The following RPRD2 variants were observed in gnomAD, a reference collection of about 807,000 sequenced individuals.
RPRD2 encodes regulation of nuclear pre-mRNA domain containing 2, also known as regulation of nuclear pre-mRNA domain-containing protein 2.
A neutral mutation model predicts 104.4 loss-of-function variants in RPRD2; 12 were observed. The ratio of observed to expected loss-of-function variants is 0.11; its 90% CI spans 0.07 to 0.19. The LOEUF is 0.19. Among genes scored for constraint, RPRD2 ranks in the 10% least tolerant of loss-of-function variants. RPRD2 has a pLI of 1.00. For synonymous variants in RPRD2, 714 were observed against 684.9 expected, an observed-to-expected ratio of 1.04 and a Z score of -0.66; for missense variants, 1,543 against 1,790.1, an observed-to-expected ratio of 0.86 and a Z score of 2.49.
intron 2 of RPRD2, 147 bp from the exon 3 acceptor site, chr1:150,440,776 G>A: frequency 1.7e-6 from 1 of 596,448 alleles, no homozygotes; most frequent in South Asian, 2.1e-5. Context: ...GATTTCTTTA[G>A]TCCTGGATAT....
rs1236655934 is a variant in RPRD2 at position 150,411,770 on chromosome 1, G to A, written c.206-5826G>A. Among the ~76,000 whole-genome samples the A allele has an allele frequency of 3.0e-5, 3 of 98,840 alleles. 1 individual carries two copies. The highest frequency in any genetic ancestry group is 3.2e-4 in the East Asian group (1 of 3,146). 64.8% of individuals were successfully genotyped at this position (98,840 alleles called of 152,430 possible). Reference sequence around the variant, plus strand: ...CGCGCCACTGCACTCTAGCCTGGACGACAGAGCTAGACTGTCTCAAAAAAA... The same window carrying A: ...CGCGCCACTGCACTCTAGCCTGGACAACAGAGCTAGACTGTCTCAAAAAAA... On this transcript the variant is annotated intron_variant, in intron 1 of 10. Transcript: ENST00000369068.
At chr1:150,464,484 C>A in intron 9 of RPRD2, 43 bp from the exon 10 acceptor site, 1 of 1,486,604 alleles carries the variant, frequency 6.7e-7, no homozygotes. Flanking sequence ...AAATTGAAGT[C>A]ATTTTGAATT....
At chr1:150,367,827 A>G (rs1434187556) in intron 1 of RPRD2, among the ~76,000 whole-genome samples, 2 of 151,870 alleles carry the variant, frequency 1.3e-5, no homozygotes, top group Non-Finnish European at 2.9e-5. Context: ...GGTTCAAGCA[A>G]TTCTCCTGCC....
intron 1 of RPRD2, among the ~76,000 whole-genome samples, chr1:150,400,973 G>A (rs954392705): frequency 8.6e-5 from 13 of 151,570 alleles, no homozygotes; most frequent in South Asian, 6.2e-4. Flanking sequence ...TCAGGAGATC[G>A]AGACCATCCT....
intron 1 of RPRD2, among the ~76,000 whole-genome samples, chr1:150,405,565 C>A (rs1342805463): frequency 6.6e-6 from 1 of 152,068 alleles, no homozygotes; most frequent in Non-Finnish European, 1.5e-5. Context: ...GAGAGTCAAA[C>A]TTCCTGGTTT....
intron 7 of RPRD2, among the ~76,000 whole-genome samples, chr1:150,456,056 CT>C (rs1667504055): frequency 6.6e-6 from 1 of 152,108 alleles, no homozygotes; most frequent in African/African-American, 2.4e-5. Context: ...TCTTGAACTC[CT>C]GGCTTCAAGT....
chr1:150,456,847 C>T (rs11205381), intron 7 of RPRD2, among the ~76,000 whole-genome samples: 33,365 of 151,296 alleles, frequency 0.22, 4,177 homozygotes, highest in African/African-American at 0.32. Context: ...ATCACTTGAA[C>T]CCAGGAGGCA....
chr1:150,412,597 T>C (rs1553887878), intron 1 of RPRD2, among the ~76,000 whole-genome samples: 1 of 151,988 alleles, frequency 6.6e-6, no homozygotes, highest in Non-Finnish European at 1.5e-5. Flanking sequence ...AGATGGAACT[T>C]TGAATTTGAG....
chr1:150,466,137 G>C (rs587743769), intron 10 of RPRD2, among the ~76,000 whole-genome samples: 295 of 152,140 alleles, frequency 1.9e-3, no homozygotes, highest in Non-Finnish European at 3.2e-3. Flanking sequence ...CCAGCACTTT[G>C]GGAGGCTGAG....
At chr1:150,456,639 AAGC>A (rs1560217627) in intron 7 of RPRD2, among the ~76,000 whole-genome samples, 1 of 151,694 alleles carries the variant, frequency 6.6e-6, no homozygotes, top group South Asian at 2.1e-4. Flanking sequence ...AAAAAAAAAA[AAGC>A]AGCCGAGCAC....
chr1:150,369,603 C>G (rs1439979071), intron 1 of RPRD2, among the ~76,000 whole-genome samples: 16 of 146,952 alleles, frequency 1.1e-4, no homozygotes, highest in African/African-American at 4.0e-4. Context: ...ACTACAGGCG[C>G]CCGTCACCGC....
At position 150,474,897 on chromosome 1, in the gene RPRD2, TG is replaced by T. The variant is rs1668812210; in HGVS notation, c.*1564del. The T allele has an allele frequency of 6.6e-6, 1 of 152,152 alleles. No individual in the cohort carries two copies. Among genetic ancestry groups the T allele is most frequent in the Admixed American group, 6.6e-5 (1 of 15,262 alleles). The allele number at this position is 152,152 out of a possible 1,614,324, so 9.4% of individuals were successfully genotyped here. On this transcript the variant is annotated 3_prime_UTR_variant, in exon 11 of 11. Transcript: ENST00000369068. Reference sequence around the variant, plus strand: ...ATTAAAGATGGGGGAGGGTGGGCAATGTAGTGACAGAAAATGATTCTCTCAG... The same window carrying T: ...ATTAAAGATGGGGGAGGGTGGGCAATTAGTGACAGAAAATGATTCTCTCAG...
intron 2 of RPRD2, among the ~76,000 whole-genome samples, chr1:150,433,687 G>A (rs1005842210): frequency 4.5e-5 from 6 of 132,196 alleles, no homozygotes; most frequent in Non-Finnish European, 6.6e-5. Flanking sequence ...CTCGTGATCC[G>A]CCCGCCTCGG....
intron 1 of RPRD2, among the ~76,000 whole-genome samples, chr1:150,393,496 G>A (rs1662257347): frequency 1.3e-5 from 2 of 150,372 alleles, no homozygotes; most frequent in Admixed American, 1.3e-4. Flanking sequence ...AAAAACATTG[G>A]GTGAAAGACT....
intron 1 of RPRD2, among the ~76,000 whole-genome samples, chr1:150,382,557 T>C (rs1661216218): frequency 6.6e-6 from 1 of 152,082 alleles, no homozygotes; most frequent in Non-Finnish European, 1.5e-5. Context: ...CGGGGTTTCA[T>C]CATGTTGGCC....
chr1:150,371,695 G>A (rs1313569), intron 1 of RPRD2, among the ~76,000 whole-genome samples: 90,713 of 151,480 alleles, frequency 0.6, 27,654 homozygotes, highest in African/African-American at 0.65. Context: ...TAACTTGCCC[G>A]TGGTTACACA....
intron 1 of RPRD2, among the ~76,000 whole-genome samples, chr1:150,385,651 C>G (rs1661508342): frequency 6.6e-6 from 1 of 152,112 alleles, no homozygotes. Flanking sequence ...GGTCTTTTTG[C>G]TAGAGGTACC....
intron 1 of RPRD2, 47 bp from the exon 2 acceptor site, chr1:150,417,549 G>A (rs1664437789): frequency 1.4e-6 from 2 of 1,429,468 alleles, no homozygotes; most frequent in Non-Finnish European, 1.9e-6. Flanking sequence ...TGAACTAAGT[G>A]CAAATTGACT....
At chr1:150,408,158 ATTTTT>A (rs10684924) in intron 1 of RPRD2, among the ~76,000 whole-genome samples, 1 of 95,096 alleles carries the variant, frequency 1.1e-5, no homozygotes. Flanking sequence ...TATTCATATG[ATTTTT>A]TTTTTTTTTT....
Sources: allele counts gnomAD v4.1 joint callset (sites outside exome capture counted in the v4.1 genomes callset), GRCh38; gene constraint gnomAD v4.1.1; transcripts MANE v1.5; gene names NCBI Gene and HGNC (gene_info 2026-07-23, HGNC 2026-07-21).